Variants in NAALADL2 observed in about 807,000 individuals in gnomAD.
NAALADL2 encodes the protein inactive N-acetylated-alpha-linked acidic dipeptidase-like protein 2.
A neutral mutation model predicts 87.2 loss-of-function variants in NAALADL2; 76 were observed. That is an observed-to-expected ratio of 0.87 (90% confidence interval 0.72 to 1.05). The LOEUF (loss-of-function observed/expected upper bound fraction) is 1.05. Among genes scored for constraint, NAALADL2 ranks in the 50% least tolerant of loss-of-function variants. NAALADL2 has a pLI of 0.00. For missense variants in NAALADL2, 1,089 were observed against 945.8 expected, an observed-to-expected ratio of 1.15 and a Z score of -1.99; for synonymous variants, 354 against 331.0, an observed-to-expected ratio of 1.07 and a Z score of -0.75.
chr3:175,520,790 A>C (rs1401132321), intron 9 of NAALADL2, among the ~76,000 whole-genome samples: 5 of 152,214 alleles, frequency 3.3e-5, no homozygotes, highest in Non-Finnish European at 1.5e-5. Flanking sequence ...AATTAAGGAG[A>C]TATAACAAGG....
At chr3:174,945,139 G>T (rs988923773) in intron 1 of NAALADL2, among the ~76,000 whole-genome samples, 6 of 152,148 alleles carry the variant, frequency 3.9e-5, no homozygotes, top group African/African-American at 1.4e-4. Flanking sequence ...GTAAATGGTT[G>T]TCTGTATTTC....
chr3:175,544,972 G>A (rs1405294460), intron 9 of NAALADL2, among the ~76,000 whole-genome samples: 1 of 152,120 alleles, frequency 6.6e-6, no homozygotes, highest in Non-Finnish European at 1.5e-5. Context: ...AAACACTCAA[G>A]ATTCTTTCGA....
chr3:175,238,712 T>A (rs1213983106), intron 3 of NAALADL2, among the ~76,000 whole-genome samples: 2 of 152,200 alleles, frequency 1.3e-5, no homozygotes, highest in African/African-American at 4.8e-5. Context: ...GAAACTCACA[T>A]GTTCTAATAG....
intron 2 of NAALADL2, among the ~76,000 whole-genome samples, chr3:174,682,511 G>C (rs1727642187): frequency 1.3e-5 from 2 of 152,130 alleles, no homozygotes; most frequent in African/African-American, 4.8e-5. Flanking sequence ...GTGGCCACAG[G>C]GTGCTTGTTT....
At chr3:175,101,739 G>A (rs1438605349) in intron 2 of NAALADL2, among the ~76,000 whole-genome samples, 1 of 152,148 alleles carries the variant, frequency 6.6e-6, no homozygotes, top group African/African-American at 2.4e-5. Flanking sequence ...AAATTAATGA[G>A]GTTTAGTTTA....
chr3:174,837,780 T>C (rs1723512928), intron 3 of NAALADL2, among the ~76,000 whole-genome samples: 1 of 151,094 alleles, frequency 6.6e-6, no homozygotes, highest in Non-Finnish European at 1.5e-5. Context: ...GGTGATAGAG[T>C]GCGACTCTGT....
chr3:175,532,969 C>G (rs534600891), intron 9 of NAALADL2, among the ~76,000 whole-genome samples: 1 of 152,338 alleles, frequency 6.6e-6, no homozygotes, highest in Non-Finnish European at 1.5e-5. Flanking sequence ...ATCCCAATCT[C>G]CCTAAGCCTT....
intron 1 of NAALADL2, among the ~76,000 whole-genome samples, chr3:174,940,816 T>C (rs543622192): frequency 9.9e-5 from 15 of 152,244 alleles, no homozygotes; most frequent in African/African-American, 3.6e-4. Flanking sequence ...GTGTTTGTAG[T>C]AGTTTCTGAT....
At chr3:174,828,204 C>G (rs1722216665) in intron 3 of NAALADL2, among the ~76,000 whole-genome samples, 1 of 152,110 alleles carries the variant, frequency 6.6e-6, no homozygotes, top group African/African-American at 2.4e-5. Context: ...CAAAGATTCT[C>G]TCAATCTTCC....
intron 1 of NAALADL2, among the ~76,000 whole-genome samples, chr3:174,887,904 A>G (rs1730376126): frequency 6.6e-6 from 1 of 152,142 alleles, no homozygotes. Context: ...TTTTAACAAA[A>G]GTAAGATAGA....
intron 2 of NAALADL2, among the ~76,000 whole-genome samples, chr3:174,730,605 C>CT (rs919293677): frequency 3.3e-5 from 5 of 151,884 alleles, no homozygotes; most frequent in Non-Finnish European, 5.9e-5. Flanking sequence ...AGAAACATAC[C>CT]TTTTTTTAAG....
At chr3:175,482,466 A>G (rs1726620134) in intron 9 of NAALADL2, among the ~76,000 whole-genome samples, 1 of 151,948 alleles carries the variant, frequency 6.6e-6, no homozygotes, top group Non-Finnish European at 1.5e-5. Flanking sequence ...AGTGTCTTTA[A>G]AAGCATTTAT....
chr3:175,244,835 C>A (rs1283529899), intron 3 of NAALADL2, among the ~76,000 whole-genome samples: 7 of 152,254 alleles, frequency 4.6e-5, no homozygotes, highest in Admixed American at 2.6e-4. Context: ...ATTACATTAC[C>A]TATGTTTTAC....
chr3:174,568,013 G>C (rs1714486803), intron 2 of NAALADL2, among the ~76,000 whole-genome samples: 1 of 151,578 alleles, frequency 6.6e-6, no homozygotes, highest in South Asian at 2.1e-4. Context: ...GCTATTTTCA[G>C]GCATAAATCC....
rs140109213 is a variant in NAALADL2 at position 174,966,259 on chromosome 3, T to C, written c.43+106809T>C. On this transcript the variant is annotated intron_variant, in intron 1 of 13. Transcript: ENST00000454872. ...TTGAAGGCCAAGCACTTAGATTTTC[T>C]CCCTCGGCCTGTCATAATATGGCCA... 6.5e-3 allele frequency among the ~76,000 whole-genome samples: 986 copies of C among 152,274 alleles called. 7 individuals carry two copies. Among genetic ancestry groups the C allele is most frequent in the Middle Eastern group, 0.017 (5 of 294 alleles).
intron 2 of NAALADL2, among the ~76,000 whole-genome samples, chr3:174,603,091 G>T (rs756230571): frequency 3.3e-5 from 5 of 151,852 alleles, no homozygotes; most frequent in Non-Finnish European, 7.4e-5. Context: ...ATTTGTCTTG[G>T]TCTTGTTTTG....
At chr3:175,443,734 G>A (rs1467406674) in intron 5 of NAALADL2, among the ~76,000 whole-genome samples, 2 of 152,146 alleles carry the variant, frequency 1.3e-5, no homozygotes, top group African/African-American at 2.4e-5. Context: ...AAGGTGCCAG[G>A]CATTGTGTAT....
chr3:175,648,333 T>C (rs1015173793), intron 11 of NAALADL2, among the ~76,000 whole-genome samples: 3 of 151,820 alleles, frequency 2.0e-5, no homozygotes, highest in Non-Finnish European at 4.4e-5. Context: ...AATAATTAAG[T>C]TAAATAATAT....
intron 2 of NAALADL2, among the ~76,000 whole-genome samples, chr3:174,627,390 C>T (rs1256510742): frequency 1.3e-5 from 2 of 152,136 alleles, no homozygotes; most frequent in African/African-American, 4.8e-5. Flanking sequence ...AAGATACCAT[C>T]TTACACAGAT....
Sources: gnomAD v4.1 joint callset for allele counts (sites outside exome capture counted in the v4.1 genomes callset) on GRCh38, gnomAD v4.1.1 for gene constraint, MANE v1.5 for transcripts, NCBI Gene and HGNC (gene_info 2026-07-23, HGNC 2026-07-21) for gene names.